The following MAP3K13 variants were observed in gnomAD, a reference collection of about 807,000 sequenced individuals.
The protein encoded by MAP3K13 is mitogen-activated protein kinase kinase kinase 13.
A neutral mutation model predicts 104.0 loss-of-function variants in MAP3K13; 52 were observed. The ratio of observed to expected loss-of-function variants is 0.50; its 90% CI spans 0.40 to 0.63. The LOEUF is 0.63. Among genes scored for constraint, MAP3K13 ranks in the 20% least tolerant of loss-of-function variants. The pLI is 0.00. For synonymous variants in MAP3K13, 394 were observed against 442.2 expected, an observed-to-expected ratio of 0.89 and a Z score of 1.37; for missense variants, 914 against 1,218.5, an observed-to-expected ratio of 0.75 and a Z score of 3.72.
upstream of MAP3K13, among the ~76,000 whole-genome samples, chr3:185,359,636 A>G (rs116639417): frequency 7.3e-3 from 1,118 of 152,304 alleles, 9 homozygotes; most frequent in African/African-American, 0.025. Flanking sequence ...CCTTCACACA[A>G]TAATATAGGC....
At position 185,314,888 on chromosome 3, in the gene MAP3K13, A is replaced by T. The variant is rs549220297; in HGVS notation, c.-86+29245A>T. On this transcript the variant is annotated intron_variant, in intron 2 of 14. Transcript: ENST00000424227. The stretch of plus-strand genomic sequence containing the variant: ...ACTCCTGGCCTCAAGAGATCCTCCC[A>T]TCTCGGCCTCCCATAGCACTTGGAT... 2.2e-4 allele frequency among the ~76,000 whole-genome samples: 34 copies of T among 152,196 alleles called. 1 individual carries two copies. The highest frequency in any genetic ancestry group is 7.2e-4 in the African/African-American group (30 of 41,552).
At chr3:185,324,261 G>A (rs188403923) in intron 2 of MAP3K13, among the ~76,000 whole-genome samples, 3,893 of 151,944 alleles carry the variant, frequency 0.026, 68 homozygotes, top group Middle Eastern at 0.048. Flanking sequence ...CTCGTGATCC[G>A]CCTGCCTCGG....
chr3:185,451,301 G>A lies in MAP3K13; in HGVS notation c.1184G>A (p.Arg395Gln), dbSNP rs746110965. 8 of 1,612,000 alleles carry A rather than the reference G, an allele frequency of 5.0e-6. No homozygotes were observed. In the African/African-American group the frequency reaches 6.7e-5, roughly 13 times the overall value. The part of the protein sequence containing the change: ...LMKQTWQSKP[R>Q]NRPSFRQTLM... The stretch of plus-strand genomic sequence containing the variant: ...TTCACTTTTAGGCAGAGTAAACCTC[G>A]AAACCGACCTTCTTTTCGGCAGACA... Residue 395 changes from arginine (R) to glutamine (Q), a missense_variant, in exon 7 of 14, where the codon CGA (arginine) becomes CAA (glutamine). By Grantham distance (43) the Arg-to-Gln change is conservative. This residue lies in a region of MAP3K13 where 583 missense variants were observed against 737.4 expected (regional missense o/e 0.79). Transcript: ENST00000265026.
chr3:185,387,014 C>A (rs1711737399), intron 1 of MAP3K13, among the ~76,000 whole-genome samples: 1 of 152,092 alleles, frequency 6.6e-6, no homozygotes, highest in South Asian at 2.1e-4. Context: ...CACACATTTA[C>A]CTATGTAACA....
upstream of MAP3K13, among the ~76,000 whole-genome samples, chr3:185,359,842 G>T (rs1291395700): frequency 6.6e-6 from 1 of 151,314 alleles, no homozygotes; most frequent in Non-Finnish European, 1.5e-5. Context: ...CTTTTTCCTG[G>T]TATTTCTGAC....
chr3:185,289,558 G>C (rs1720656717), intron 2 of MAP3K13, among the ~76,000 whole-genome samples: 1 of 151,934 alleles, frequency 6.6e-6, no homozygotes, highest in East Asian at 1.9e-4. Context: ...TTTTATTTTA[G>C]ACACAATTCT....
intron 1 of MAP3K13, among the ~76,000 whole-genome samples, chr3:185,384,320 G>GTGTGTGTGTGTT: frequency 6.6e-6 from 1 of 151,766 alleles, no homozygotes. Context: ...GTGTGTGTGT[G>GTGTGTGTGTGTT]TGTGTGTGTG....
chr3:185,417,416 T>C, intron 1 of MAP3K13: 1 of 1,322,570 alleles, frequency 7.6e-7, no homozygotes, highest in Non-Finnish European at 1.0e-6. Flanking sequence ...TTTTCCTCAC[T>C]GCCTGTATAA....
chr3:185,411,781 C>CTTTTTTTTTTTTTTTT (rs67723912), intron 1 of MAP3K13, among the ~76,000 whole-genome samples: 1 of 94,058 alleles, frequency 1.1e-5, no homozygotes. Flanking sequence ...GCAGTTATGT[C>CTTTTTTTTTTTTTTTT]TTTTTTTTTT....
chr3:185,415,349 G>A (rs1285777016), intron 1 of MAP3K13, among the ~76,000 whole-genome samples: 1 of 151,326 alleles, frequency 6.6e-6, no homozygotes, highest in Non-Finnish European at 1.5e-5. Context: ...ATAGAGATGG[G>A]GTTTTCTCAT....
intron 2 of MAP3K13, among the ~76,000 whole-genome samples, chr3:185,307,831 C>G (rs947586252): frequency 6.6e-6 from 1 of 152,010 alleles, no homozygotes; most frequent in Non-Finnish European, 1.5e-5. Context: ...CATGAGCCAC[C>G]ACACCCAGCC....
chr3:185,288,577 T>C (rs1276129512), intron 2 of MAP3K13, among the ~76,000 whole-genome samples: 1 of 150,614 alleles, frequency 6.6e-6, no homozygotes, highest in East Asian at 1.9e-4. Flanking sequence ...AGGAAGTTAT[T>C]GAGTTAGTCA....
intron 7 of MAP3K13, among the ~76,000 whole-genome samples, chr3:185,457,423 G>A (rs546032914): frequency 6.6e-6 from 1 of 152,332 alleles, no homozygotes; most frequent in Admixed American, 6.5e-5. Context: ...CAAGGCACCA[G>A]CAGAGTTGGT....
intron 2 of MAP3K13, among the ~76,000 whole-genome samples, chr3:185,342,880 C>T (rs1722771258): frequency 6.6e-6 from 1 of 152,234 alleles, no homozygotes; most frequent in Admixed American, 6.5e-5. Context: ...GGGCTGCGTT[C>T]TCTGGATGCT....
chr3:185,283,327 C>T (rs77769097), intron 1 of MAP3K13, among the ~76,000 whole-genome samples: 7,308 of 152,086 alleles, frequency 0.048, 287 homozygotes, highest in Non-Finnish European at 0.067. Flanking sequence ...GTTGGAGAGA[C>T]GGAGCCTGGG....
intron 10 of MAP3K13, 25 bp from the exon 11 acceptor site, chr3:185,472,950 G>C (rs1717889659): frequency 1.2e-6 from 2 of 1,604,394 alleles, no homozygotes; most frequent in East Asian, 4.5e-5. Context: ...ATGTGTTTCA[G>C]ATTAAACCTG....
At chr3:185,440,553 T>A (rs1715269726) in intron 3 of MAP3K13, among the ~76,000 whole-genome samples, 2 of 152,044 alleles carry the variant, frequency 1.3e-5, no homozygotes. Flanking sequence ...TGAAAAAAAA[T>A]TATTAAAAAT....
At chr3:185,412,479 G>T (rs1321638458) in intron 1 of MAP3K13, among the ~76,000 whole-genome samples, 23 of 151,998 alleles carry the variant, frequency 1.5e-4, no homozygotes, top group Admixed American at 1.5e-3. Context: ...TAAACAATGG[G>T]TATGGATTAC....
intron 2 of MAP3K13, among the ~76,000 whole-genome samples, chr3:185,347,630 T>C (rs2108727716): frequency 6.6e-6 from 1 of 152,344 alleles, no homozygotes; most frequent in East Asian, 1.9e-4. Flanking sequence ...TTTCATTCGA[T>C]TGAAAATGTC....
Sources: gnomAD v4.1 joint callset for allele counts (sites outside exome capture counted in the v4.1 genomes callset) on GRCh38, gnomAD v4.1.1 for gene constraint, gnomAD v4.1.1 regional missense constraint, MANE v1.5 for transcripts, NCBI Gene and HGNC (gene_info 2026-07-23, HGNC 2026-07-21) for gene names.